CNTN6: variants seen among roughly 807,000 people sequenced by gnomAD.
The protein encoded by CNTN6 is contactin 6.
In CNTN6, 137 loss-of-function variants were observed where a neutral mutation model predicts 122.8. That is an observed-to-expected ratio of 1.12 (90% CI 0.97 to 1.29). The LOEUF (loss-of-function observed/expected upper bound fraction) is 1.29. Ranked by LOEUF, CNTN6 falls within the 50% of genes most tolerant of loss-of-function variation. The pLI, the probability that CNTN6 is intolerant of heterozygous loss-of-function variation, is 0.00. For missense variants in CNTN6, 1,634 were observed against 1,223.4 expected (o/e 1.34, Z -5.01); for synonymous variants, 570 against 426.0 (o/e 1.34, Z -4.16).
chr3:1,152,110 TTTTA>T (rs1384521194), intron 2 of CNTN6, among the ~76,000 whole-genome samples: 3 of 151,696 alleles, frequency 2.0e-5, no homozygotes, highest in Non-Finnish European at 2.9e-5. Flanking sequence ...TGAGGAAATA[TTTTA>T]TTTATTTATA....
At chr3:1,099,287 C>T (rs9839341) in intron 1 of CNTN6, among the ~76,000 whole-genome samples, 28,520 of 151,222 alleles carry the variant, frequency 0.19, 6,266 homozygotes, top group African/African-American at 0.53. Flanking sequence ...CCGTCTCTAC[C>T]AAAAATACAA....
At chr3:1,134,696 GTTTTGT>G (rs2092427980) in intron 1 of CNTN6, among the ~76,000 whole-genome samples, 2 of 149,798 alleles carry the variant, frequency 1.3e-5, no homozygotes, top group African/African-American at 5.1e-5. Flanking sequence ...TTTTTGTTTT[GTTTTGT>G]TTTGTTTTGT....
chr3:1,330,261 C>T (rs1702107666), intron 11 of CNTN6, among the ~76,000 whole-genome samples: 1 of 152,014 alleles, frequency 6.6e-6, no homozygotes, highest in East Asian at 1.9e-4. Context: ...GTGCGAATAA[C>T]ATTTCACAAA....
At chr3:1,332,494 A>G (rs958322548) in intron 11 of CNTN6, among the ~76,000 whole-genome samples, 3 of 57,756 alleles carry the variant, frequency 5.2e-5, no homozygotes, top group Non-Finnish European at 1.1e-4. Context: ...AAGGAAGGAA[A>G]AAAGGAAGGA....
At chr3:1,339,758 A>T (rs1703616820) in intron 11 of CNTN6, among the ~76,000 whole-genome samples, 1 of 152,166 alleles carries the variant, frequency 6.6e-6, no homozygotes, top group Non-Finnish European at 1.5e-5. Context: ...TTCTCCCGTG[A>T]GTCCTCTAAA....
At chr3:1,268,988 A>G (rs1432512308) in intron 4 of CNTN6, among the ~76,000 whole-genome samples, 9 of 152,026 alleles carry the variant, frequency 5.9e-5, no homozygotes, top group Admixed American at 5.9e-4. Context: ...CTCAAAAGTT[A>G]TAAAATAAAT....
intron 5 of CNTN6, among the ~76,000 whole-genome samples, chr3:1,292,779 TATA>T (rs1430112501): frequency 2.0e-5 from 3 of 152,166 alleles, no homozygotes; most frequent in Non-Finnish European, 4.4e-5. Flanking sequence ...AATTTAAAAT[TATA>T]ATACGACAGA....
At chr3:1,306,555 A>G (rs1472472979) in intron 7 of CNTN6, among the ~76,000 whole-genome samples, 2 of 152,180 alleles carry the variant, frequency 1.3e-5, no homozygotes, top group Non-Finnish European at 2.9e-5. Context: ...TTTAAGTTCA[A>G]ATAGAGCAGG....
In CNTN6 at chr3:1,248,448, A is replaced by T. The variant is rs1199516654; in HGVS notation, c.358+20455A>T. The stretch of plus-strand genomic sequence containing the variant: ...ATAATCTAGTTTAATCCTCAAAACT[A>T]CCATGTAAAATAGAAGCTACTATTA... On this transcript the variant is annotated intron_variant, in intron 4 of 22. Transcript: ENST00000446702. Among the ~76,000 whole-genome samples the T allele has an allele frequency of 2.0e-5, 3 of 152,222 alleles. No homozygotes were observed. In the East Asian group the frequency reaches 5.8e-4, roughly 29 times the overall value.
At chr3:1,272,799 G>C (rs1428714136) in intron 4 of CNTN6, among the ~76,000 whole-genome samples, 1 of 152,164 alleles carries the variant, frequency 6.6e-6, no homozygotes, top group Admixed American at 6.5e-5. Context: ...GGCAGCAAAT[G>C]TACAGTTTTC....
intron 4 of CNTN6, among the ~76,000 whole-genome samples, chr3:1,241,436 T>C (rs1309214846): frequency 6.6e-6 from 1 of 151,872 alleles, no homozygotes; most frequent in East Asian, 1.9e-4. Context: ...GGGGTGATAT[T>C]GTGCGGATGT....
intron 4 of CNTN6, among the ~76,000 whole-genome samples, chr3:1,254,422 T>C (rs2094719979): frequency 6.6e-6 from 1 of 152,210 alleles, no homozygotes; most frequent in Admixed American, 6.5e-5. Context: ...ATGAAAGAAG[T>C]TTACTTCGTT....
Position 1,401,420 on chromosome 3 carries a change from T to C in CNTN6, c.2705-13T>C, listed in dbSNP as rs1382452100. The C allele has an allele frequency of 3.8e-6, 6 of 1,598,734 alleles. No individual in the cohort carries two copies. The Admixed American group carries it at 8.4e-5, about 22-fold the overall frequency. On this transcript the variant is annotated splice_polypyrimidine_tract_variant and intron_variant, in intron 20 of 22. Coordinates refer to ENST00000446702, the MANE Select transcript of CNTN6 (RefSeq NM_001289080.2). ...ATTAACATTCATTTGGATCTTTGAT[T>C]ATCTCTTTAAAGCTCCAAGCCAACC...
chr3:1,309,457 C>G (rs528421892), intron 7 of CNTN6, among the ~76,000 whole-genome samples: 2 of 152,272 alleles, frequency 1.3e-5, no homozygotes, highest in African/African-American at 4.8e-5. Context: ...AGGTCTATTA[C>G]CGGGATCTCT....
At chr3:1,267,658 C>T (rs865863723) in intron 4 of CNTN6, among the ~76,000 whole-genome samples, 149 of 152,110 alleles carry the variant, frequency 9.8e-4, no homozygotes, top group African/African-American at 3.5e-3. Flanking sequence ...TTTATAGTGT[C>T]GAATCCATTT....
intron 2 of CNTN6, among the ~76,000 whole-genome samples, chr3:1,211,277 T>G (rs1236479658): frequency 6.6e-6 from 1 of 152,154 alleles, no homozygotes; most frequent in Non-Finnish European, 1.5e-5. Context: ...AACCTGAAAT[T>G]TACCCAGGCT....
intron 1 of CNTN6, among the ~76,000 whole-genome samples, chr3:1,098,789 C>CATTATATATAT (rs2090687238): frequency 1.6e-5 from 1 of 63,252 alleles, no homozygotes; most frequent in Non-Finnish European, 2.7e-5. Flanking sequence ...CACACACACA[C>CATTATATATAT]ATATATATAT....
chr3:1,336,325 A>G (rs1479652170), intron 11 of CNTN6, among the ~76,000 whole-genome samples: 1 of 151,854 alleles, frequency 6.6e-6, no homozygotes, highest in Non-Finnish European at 1.5e-5. Flanking sequence ...ATATTCAGAT[A>G]TATTTCTGAG....
At chr3:1,391,975 A>G (rs1262834046) in intron 20 of CNTN6, among the ~76,000 whole-genome samples, 1 of 152,220 alleles carries the variant, frequency 6.6e-6, no homozygotes, top group African/African-American at 2.4e-5. Context: ...AAATGGCCAT[A>G]CTGCCCAAGG....
Sources: gnomAD v4.1 joint callset for allele counts (sites outside exome capture counted in the v4.1 genomes callset) on GRCh38, gnomAD v4.1.1 for gene constraint, MANE v1.5 for transcripts, NCBI Gene and HGNC (gene_info 2026-07-23, HGNC 2026-07-21) for gene names.